The following XPO7 variants were observed in gnomAD, a reference collection of about 807,000 sequenced individuals.
XPO7 encodes exportin 7, also known as exportin-7.
In XPO7, 21 loss-of-function variants were observed where a neutral mutation model predicts 144.3. That is an observed-to-expected ratio of 0.15 (90% confidence interval 0.10 to 0.21). The LOEUF is 0.21. XPO7 is among the 10% of genes least tolerant of loss of function. The pLI is 1.00. For missense variants in XPO7, 808 were observed against 1,325.8 expected (o/e 0.61, Z 6.06); for synonymous variants, 580 against 499.6 (o/e 1.16, Z -2.15).
intron 1 of XPO7, among the ~76,000 whole-genome samples, chr8:21,920,105 A>G (rs1810221640): frequency 6.6e-6 from 1 of 151,780 alleles, no homozygotes; most frequent in African/African-American, 2.4e-5. Flanking sequence ...GCCTCCGTCA[A>G]GTCCTCGGGC....
chr8:21,987,258 A>C lies in XPO7; in HGVS notation c.1695A>C (p.Gln565His). ...EQFRKIYIGD[Q>H]VQKSSKLYRR... ...TTCGTAAGATCTACATTGGGGACCA[A>C]GTGCAGAAATCCTCTAAGGTAACAG... Residue 565 changes from glutamine to histidine, a missense_variant, in exon 14 of 28, where the codon CAA becomes CAC. Gln to His is a conservative substitution (Grantham distance 24). Around this residue, in one of 5 missense-constraint regions of XPO7, gnomAD observed 416 missense variants for 612.5 expected, o/e 0.68. Coordinates refer to ENST00000252512, the MANE Select transcript of XPO7 (RefSeq NM_015024.5). 1 of 1,614,042 alleles carries C rather than the reference A, an allele frequency of 6.2e-7. No individual in the cohort carries two copies. Among genetic ancestry groups the C allele is most frequent in the Non-Finnish European group, 8.5e-7 (1 of 1,179,898 alleles).
intron 1 of XPO7, among the ~76,000 whole-genome samples, chr8:21,943,638 C>T (rs1811066031): frequency 1.3e-5 from 2 of 152,040 alleles, no homozygotes; most frequent in South Asian, 2.1e-4. Context: ...CTGTTTCTTC[C>T]CTCCTATTTT....
chr8:21,922,416 G>C (rs1290891232), intron 1 of XPO7, among the ~76,000 whole-genome samples: 1 of 152,144 alleles, frequency 6.6e-6, no homozygotes, highest in African/African-American at 2.4e-5. Flanking sequence ...GATGTGATGG[G>C]TTTCTTACTC....
rs376199336 is a variant in XPO7 at position 21,980,241 on chromosome 8, G to A, written c.957+38G>A. 6 of 1,545,002 alleles carry A rather than the reference G, an allele frequency of 3.9e-6. No homozygotes were observed. The African/African-American group carries it at 5.5e-5, about 14-fold the overall frequency. On this transcript the variant is annotated intron_variant, in intron 9 of 27. Coordinates refer to ENST00000252512, the MANE Select transcript of XPO7 (RefSeq NM_015024.5). ...GAGAATTTACATATGTATAGGATTAGTGTATGGCCAGCTGTTATGAGTCAG... is the reference window on the plus strand; with the variant it reads ...GAGAATTTACATATGTATAGGATTAATGTATGGCCAGCTGTTATGAGTCAG...
At chr8:22,003,050 G>T in intron 25 of XPO7, 169 bp from the exon 26 acceptor site, 1 of 464,594 alleles carries the variant, frequency 2.2e-6, no homozygotes, top group Non-Finnish European at 3.8e-6. Context: ...TAGAAGAAAA[G>T]GTAACCTTGA....
At chr8:21,935,030 T>C (rs1209699279) in intron 1 of XPO7, among the ~76,000 whole-genome samples, 1 of 152,206 alleles carries the variant, frequency 6.6e-6, no homozygotes, top group Non-Finnish European at 1.5e-5. Context: ...TCATAAGAAA[T>C]GATAAACTAA....
In XPO7 at chr8:21,990,846, G is replaced by T. The variant is rs1292074809; in HGVS notation, c.1968G>T (p.Gln656His). Residue 656 changes from glutamine to histidine, a missense_variant, in exon 18 of 28, where the codon CAG becomes CAT. Around this residue, in one of 5 missense-constraint regions of XPO7, gnomAD observed 416 missense variants for 612.5 expected, o/e 0.68. Transcript: ENST00000252512. ...EHFSFLGINN[Q>H]SNLTDMRCRT... Reference sequence around the variant, plus strand: ...TTTCATTTTTGGGTATTAACAATCAGTCCAACCTGACAGACATGCGGTGTC... The same window carrying T: ...TTTCATTTTTGGGTATTAACAATCATTCCAACCTGACAGACATGCGGTGTC... 8 of 1,613,720 alleles carry T rather than the reference G, an allele frequency of 5.0e-6. No homozygotes were observed. In the African/African-American group the frequency reaches 6.7e-5, roughly 13 times the overall value.
rs188153583 is a variant in XPO7 at position 21,935,838 on chromosome 8, C to G, written c.18+16050C>G. 2.8e-3 allele frequency among the ~76,000 whole-genome samples: 419 copies of G among 151,820 alleles called. 3 individuals carry two copies. Among genetic ancestry groups the G allele is most frequent in the South Asian group, 0.027 (129 of 4,806 alleles). On this transcript the variant is annotated intron_variant, in intron 1 of 27. Transcript: ENST00000252512. Reference sequence around the variant, plus strand: ...GGGGTGGTATGGGCAAGATATCTTTCTCTCTCTCTCAATCTCTCTCTCTCT... The same window carrying G: ...GGGGTGGTATGGGCAAGATATCTTTGTCTCTCTCTCAATCTCTCTCTCTCT...
intron 19 of XPO7, among the ~76,000 whole-genome samples, chr8:21,993,221 G>A (rs1306912522): frequency 2.0e-5 from 3 of 152,122 alleles, no homozygotes; most frequent in Non-Finnish European, 4.4e-5. Context: ...CCCATTATAT[G>A]GTATTAGTTT....
Position 21,950,988 on chromosome 8 carries a change from C to T in XPO7, c.19-15869C>T, listed in dbSNP as rs182433172. On this transcript the variant is annotated intron_variant, in intron 1 of 27. Transcript: ENST00000252512. ...AATACAAAAAAAAAAATTAGTTGGG[C>T]GCGGTAGTGCATGCCTGTAATCACA... Among the ~76,000 whole-genome samples the T allele has an allele frequency of 2.7e-4, 41 of 151,812 alleles. No homozygotes were observed. The East Asian group carries it at 7.2e-3, about 27-fold the overall frequency.
At chr8:21,941,953 A>C (rs1396256330) in intron 1 of XPO7, among the ~76,000 whole-genome samples, 1 of 152,202 alleles carries the variant, frequency 6.6e-6, no homozygotes, top group Non-Finnish European at 1.5e-5. Flanking sequence ...CTAAAGAAGC[A>C]CACATAGATG....
At chr8:21,992,353 CTT>C (rs1382964198) in intron 19 of XPO7, among the ~76,000 whole-genome samples, 2 of 152,074 alleles carry the variant, frequency 1.3e-5, no homozygotes, top group Non-Finnish European at 2.9e-5. Flanking sequence ...AGTTTACCAT[CTT>C]TACCATTTTT....
chr8:21,977,762 T>G lies in XPO7; in HGVS notation c.764-8T>G. 6.2e-7 allele frequency: 1 copy of G among 1,613,820 alleles called. No individual in the cohort carries two copies. Among genetic ancestry groups the G allele is most frequent in the Non-Finnish European group, 8.5e-7 (1 of 1,179,792 alleles). On this transcript the variant is annotated splice_polypyrimidine_tract_variant and splice_region_variant and intron_variant, in intron 7 of 27. Coordinates refer to ENST00000252512, the MANE Select transcript of XPO7 (RefSeq NM_015024.5). ...TAAAGTGATGTCTTTTGTCTTTTTCTTCCCCAGCCTTCTTAGATTCTTCAA... is the reference window on the plus strand; with the variant it reads ...TAAAGTGATGTCTTTTGTCTTTTTCGTCCCCAGCCTTCTTAGATTCTTCAA...
chr8:22,004,117 C>A, intron 27 of XPO7, 87 bp downstream of exon 27: 1 of 1,558,692 alleles, frequency 6.4e-7, no homozygotes, highest in East Asian at 2.3e-5. Context: ...AAGTCTTTGA[C>A]ATCTGTGTTT....
chr8:21,956,848 T>C (rs899974559), intron 1 of XPO7, among the ~76,000 whole-genome samples: 2 of 152,200 alleles, frequency 1.3e-5, no homozygotes, highest in Admixed American at 6.5e-5. Context: ...ATATAGTTTT[T>C]ACTTGTTCCA....
chr8:21,950,737 GAATT>G (rs1811342191), intron 1 of XPO7, among the ~76,000 whole-genome samples: 1 of 151,924 alleles, frequency 6.6e-6, no homozygotes, highest in Non-Finnish European at 1.5e-5. Flanking sequence ...GCCTTTCCTT[GAATT>G]AATTTGTATA....
At chr8:21,953,862 A>G (rs1018872096) in intron 1 of XPO7, among the ~76,000 whole-genome samples, 1 of 151,900 alleles carries the variant, frequency 6.6e-6, no homozygotes, top group Non-Finnish European at 1.5e-5. Context: ...TTGTTTTCTT[A>G]TTGTTGAGTT....
At chr8:21,923,997 T>C (rs936074560) in intron 1 of XPO7, among the ~76,000 whole-genome samples, 1 of 152,206 alleles carries the variant, frequency 6.6e-6, no homozygotes, top group Non-Finnish European at 1.5e-5. Context: ...GGGAGTGGCT[T>C]AACTAGATGG....
At chr8:21,961,986 A>C (rs1045707789) in intron 1 of XPO7, among the ~76,000 whole-genome samples, 2 of 152,248 alleles carry the variant, frequency 1.3e-5, no homozygotes, top group Non-Finnish European at 2.9e-5. Flanking sequence ...TCTAATGGCT[A>C]TCTCATCGTG....
Sources: gnomAD v4.1 joint callset for allele counts (sites outside exome capture counted in the v4.1 genomes callset) on GRCh38, gnomAD v4.1.1 for gene constraint, gnomAD v4.1.1 regional missense constraint, MANE v1.5 for transcripts, NCBI Gene and HGNC (gene_info 2026-07-23, HGNC 2026-07-21) for gene names.